KCNH1: variants seen among roughly 807,000 people sequenced by gnomAD.
The protein encoded by KCNH1 is potassium voltage-gated channel subfamily H member 1.
In KCNH1, 27 loss-of-function variants were observed where a neutral mutation model predicts 69.2. The ratio of observed to expected loss-of-function variants is 0.39; its 90% CI spans 0.29 to 0.54. The LOEUF (loss-of-function observed/expected upper bound fraction) is 0.54, where lower values mean the gene tolerates loss of function less well. Among genes scored for constraint, KCNH1 ranks in the 20% least tolerant of loss-of-function variants. The pLI, the probability that KCNH1 is intolerant of heterozygous loss-of-function variation, is 0.68. For synonymous variants in KCNH1, 456 were observed against 487.7 expected, an observed-to-expected ratio of 0.93 and a Z score of 0.86; for missense variants, 798 against 1,261.6, an observed-to-expected ratio of 0.63 and a Z score of 5.57.
At chr1:211,098,669 G>A (rs1171160258) in intron 3 of KCNH1, among the ~76,000 whole-genome samples, 1 of 152,150 alleles carries the variant, frequency 6.6e-6, no homozygotes, top group African/African-American at 2.4e-5. Context: ...GTAAAAATGA[G>A]TGGGAAAATG....
chr1:210,780,504 C>T (rs1683955430), intron 9 of KCNH1, among the ~76,000 whole-genome samples: 1 of 152,132 alleles, frequency 6.6e-6, no homozygotes, highest in Non-Finnish European at 1.5e-5. Context: ...AGTGGAACAG[C>T]AGATGCAGTG....
Position 210,860,166 on chromosome 1 carries a change from C to G in KCNH1, c.1463-56000G>C. 5.1e-6 allele frequency: 6 copies of G among 1,174,698 alleles called. No homozygotes were observed. In the East Asian group the frequency reaches 1.4e-4, roughly 27 times the overall value. The allele number at this position is 1,174,698 out of a possible 1,614,324, so 72.8% of individuals were successfully genotyped here. ...GATACTTGGTATCAGACAGAAGTGTCTTGGTATCAACTGTTACATAATTAT... is the reference window on the plus strand; with the variant it reads ...GATACTTGGTATCAGACAGAAGTGTGTTGGTATCAACTGTTACATAATTAT... On this transcript the variant is annotated intron_variant, in intron 7 of 10. Coordinates refer to ENST00000271751, the MANE Select transcript of KCNH1 (RefSeq NM_172362.3).
intron 7 of KCNH1, among the ~76,000 whole-genome samples, chr1:210,836,929 T>C (rs1400022686): frequency 6.6e-6 from 1 of 152,136 alleles, no homozygotes; most frequent in Non-Finnish European, 1.5e-5. Flanking sequence ...TCTAAATGTG[T>C]CTCCCTGCTT....
intron 5 of KCNH1, among the ~76,000 whole-genome samples, chr1:211,055,731 G>A (rs1287083756): frequency 6.6e-6 from 1 of 152,208 alleles, no homozygotes; most frequent in East Asian, 1.9e-4. Flanking sequence ...AGCCACAGTA[G>A]GATAGGGCAC....
chr1:210,934,835 T>A (rs531587764), intron 6 of KCNH1, among the ~76,000 whole-genome samples: 2 of 151,968 alleles, frequency 1.3e-5, no homozygotes, highest in African/African-American at 4.8e-5. Flanking sequence ...ACTATTGGTG[T>A]ACAAGATAAT....
intron 5 of KCNH1, among the ~76,000 whole-genome samples, chr1:211,070,187 G>A (rs1164008890): frequency 6.6e-6 from 1 of 152,034 alleles, no homozygotes; most frequent in Non-Finnish European, 1.5e-5. Flanking sequence ...GGGAGGCCGA[G>A]GCTGGCAGAT....
chr1:210,949,285 C>T (rs1283700151), intron 6 of KCNH1, among the ~76,000 whole-genome samples: 1 of 152,164 alleles, frequency 6.6e-6, no homozygotes, highest in Non-Finnish European at 1.5e-5. Flanking sequence ...CAACCCTTCT[C>T]TCCTTGAGGA....
Position 210,707,850 on chromosome 1 carries a change from C to G in KCNH1, c.2113-23712G>C, listed in dbSNP as rs190377588. Among the ~76,000 whole-genome samples the G allele has an allele frequency of 2.3e-3, 348 of 152,278 alleles. 4 individuals carry two copies. Among genetic ancestry groups the G allele is most frequent in the African/African-American group, 8.1e-3 (338 of 41,560 alleles). Reference sequence around the variant, plus strand: ...AAAAGGAGGCCTCCCTGCCCTTCCTCCCTCCCAATTCATCTGAGATTGAAT... The same window carrying G: ...AAAAGGAGGCCTCCCTGCCCTTCCTGCCTCCCAATTCATCTGAGATTGAAT... On this transcript the variant is annotated intron_variant, in intron 10 of 10. Transcript: ENST00000271751.
At chr1:210,704,532 T>C (rs1191255244) in intron 10 of KCNH1, among the ~76,000 whole-genome samples, 1 of 152,082 alleles carries the variant, frequency 6.6e-6, no homozygotes, top group Non-Finnish European at 1.5e-5. Context: ...AATACGAAAA[T>C]TGACATTTGT....
At chr1:211,035,119 G>A (rs1209048716) in intron 5 of KCNH1, among the ~76,000 whole-genome samples, 1 of 151,814 alleles carries the variant, frequency 6.6e-6, no homozygotes, top group African/African-American at 2.4e-5. Context: ...TATTCAAAGA[G>A]GAATTGATGG....
intron 6 of KCNH1, among the ~76,000 whole-genome samples, chr1:210,933,381 G>A (rs1687715015): frequency 6.6e-6 from 1 of 151,946 alleles, no homozygotes; most frequent in Non-Finnish European, 1.5e-5. Flanking sequence ...GGGGAGCGGG[G>A]AGGGATAGCT....
At chr1:210,857,377 GCCGGA>G (rs1455870020) in intron 7 of KCNH1, among the ~76,000 whole-genome samples, 1 of 151,932 alleles carries the variant, frequency 6.6e-6, no homozygotes, top group Non-Finnish European at 1.5e-5. Context: ...TATGCGTAAG[GCCGGA>G]CCTTTGAATT....
At chr1:210,765,042 C>A (rs566283578) in intron 10 of KCNH1, among the ~76,000 whole-genome samples, 5 of 152,288 alleles carry the variant, frequency 3.3e-5, no homozygotes, top group African/African-American at 1.2e-4. Flanking sequence ...AGAACAAAAT[C>A]ATGTCCTTTG....
intron 6 of KCNH1, among the ~76,000 whole-genome samples, chr1:210,959,944 C>G (rs1003843151): frequency 2.0e-5 from 3 of 152,186 alleles, no homozygotes; most frequent in African/African-American, 7.2e-5. Flanking sequence ...ATGAGATGAA[C>G]CAGGTACCTC....
chr1:211,018,914 G>A lies in KCNH1; in HGVS notation c.901C>T (p.Leu301=), dbSNP rs2102414101. The A allele has an allele frequency of 6.2e-7, 1 of 1,614,062 alleles. No individual in the cohort carries two copies. The highest frequency in any genetic ancestry group is 8.5e-7 in the Non-Finnish European group (1 of 1,179,974). ...ATGACATCATATGGCAAACAGGACA[G>A]AAGGTCAATCACAAACCACGTCTTC... ...YLKTWFVIDL[L]SCLPYDVINA... The change falls in exon 6 of 11, where the codon CTG becomes TTG. Residue 301 remains leucine (L), a synonymous_variant. Transcript: ENST00000271751.
chr1:210,735,531 G>C (rs1682858048), intron 10 of KCNH1, among the ~76,000 whole-genome samples: 1 of 150,552 alleles, frequency 6.6e-6, no homozygotes. Context: ...TATTTGCCTA[G>C]CATATAGCCT....
chr1:211,011,436 A>G lies in KCNH1; in HGVS notation c.1032+7347T>C, dbSNP rs892010103. Among the ~76,000 whole-genome samples the G allele has an allele frequency of 3.9e-5, 6 of 152,152 alleles. 1 individual carries two copies. The highest frequency in any genetic ancestry group is 1.3e-4 in the Admixed American group (2 of 15,280). On this transcript the variant is annotated intron_variant, in intron 6 of 10. Transcript: ENST00000271751. ...TATTGTGAACAGTGCTGCAATAAAC[A>G]TATGTGTGCCTGTGTCTTTATAGTA...
chr1:211,114,312 A>G (rs1691529498), intron 1 of KCNH1, among the ~76,000 whole-genome samples: 1 of 152,184 alleles, frequency 6.6e-6, no homozygotes, highest in Non-Finnish European at 1.5e-5. Flanking sequence ...GAACCCACCC[A>G]GAAGAGACTG....
chr1:210,966,495 G>T (rs1688403470), intron 6 of KCNH1, among the ~76,000 whole-genome samples: 1 of 152,032 alleles, frequency 6.6e-6, no homozygotes, highest in Non-Finnish European at 1.5e-5. Flanking sequence ...TCTGACAAAG[G>T]GCTAATATGC....
Sources: allele counts gnomAD v4.1 joint callset (sites outside exome capture counted in the v4.1 genomes callset), GRCh38; gene constraint gnomAD v4.1.1; transcripts MANE v1.5; gene names NCBI Gene and HGNC (gene_info 2026-07-23, HGNC 2026-07-21).